Variants in CTDSP2 observed in about 807,000 individuals in gnomAD.
The protein encoded by CTDSP2 is CTD small phosphatase 2, also known as carboxy-terminal domain RNA polymerase II polypeptide A small phosphatase 2.
Under a neutral mutation model 31.6 loss-of-function variants are expected in CTDSP2, and 9 were observed. That is an observed-to-expected ratio of 0.28 (90% CI 0.17 to 0.50). The LOEUF (loss-of-function observed/expected upper bound fraction) is 0.50. Ranked by LOEUF, CTDSP2 falls within the 20% of genes least tolerant of loss-of-function variation. The pLI is 0.98. For synonymous variants in CTDSP2, 134 were observed against 134.5 expected (o/e 1.00, Z 0.03); for missense variants, 267 against 348.5 (o/e 0.77, Z 1.86).
At chr12:57,843,190 G>A (rs1240578121) in intron 1 of CTDSP2, among the ~76,000 whole-genome samples, 1 of 152,172 alleles carries the variant, frequency 6.6e-6, no homozygotes, top group Non-Finnish European at 1.5e-5. Flanking sequence ...ACGTTGGGAG[G>A]TTACAGCGTG....
chr12:57,834,934 C>A (rs1956238175), intron 1 of CTDSP2, among the ~76,000 whole-genome samples: 1 of 152,112 alleles, frequency 6.6e-6, no homozygotes, highest in Non-Finnish European at 1.5e-5. Flanking sequence ...ACCAGCCTGA[C>A]CAACATGGAG....
At chr12:57,844,851 CTTAT>C (rs1407927172) in intron 1 of CTDSP2, among the ~76,000 whole-genome samples, 1 of 151,968 alleles carries the variant, frequency 6.6e-6, no homozygotes, top group Non-Finnish European at 1.5e-5. Context: ...TCAGGGCAGG[CTTAT>C]TTAAAGTCCG....
intron 2 of CTDSP2, 46 bp downstream of exon 2, chr12:57,829,402 T>C (rs763004918): frequency 6.2e-7 from 1 of 1,601,008 alleles, no homozygotes; most frequent in East Asian, 2.2e-5. Flanking sequence ...GATCTCCCAT[T>C]AACAGTCCCT....
At chr12:57,836,350 G>A (rs1490762679) in intron 1 of CTDSP2, among the ~76,000 whole-genome samples, 1 of 152,186 alleles carries the variant, frequency 6.6e-6, no homozygotes, top group Non-Finnish European at 1.5e-5. Context: ...GAAGTACCAG[G>A]TAAGGACACT....
At position 57,820,161 on chromosome 12, in the gene CTDSP2, TG is replaced by T. The variant is rs2140469234; in HGVS notation, c.*3440del. The T allele has an allele frequency of 6.6e-6, 1 of 152,430 alleles. No individual in the cohort carries two copies. Among genetic ancestry groups the T allele is most frequent in the Non-Finnish European group, 1.5e-5 (1 of 67,980 alleles). 9.4% of individuals were successfully genotyped at this position (152,430 alleles called of 1,614,324 possible). A position where few individuals can be genotyped will look rare whatever the true frequency, so the allele number is the denominator to read the frequency against. ...CTTGAAGGGGGAAAGCGGCACGAAA[TG>T]GAACATGATAAGCAAAAAAGCTCAC... On this transcript the variant is annotated 3_prime_UTR_variant, in exon 8 of 8. Transcript: ENST00000398073.
chr12:57,839,075 A>G (rs1240302172), intron 1 of CTDSP2, among the ~76,000 whole-genome samples: 6 of 152,160 alleles, frequency 3.9e-5, no homozygotes, highest in African/African-American at 7.2e-5. Flanking sequence ...CTGGCCAACC[A>G]GTTCCTCCTT....
chr12:57,838,543 TTAGA>T (rs1224760548), intron 1 of CTDSP2, among the ~76,000 whole-genome samples: 1 of 152,218 alleles, frequency 6.6e-6, no homozygotes, highest in Admixed American at 6.5e-5. Context: ...CCTGGAATGC[TTAGA>T]TATAGTTGAA....
At chr12:57,845,050 T>C (rs554743280) in intron 1 of CTDSP2, among the ~76,000 whole-genome samples, 1 of 152,272 alleles carries the variant, frequency 6.6e-6, no homozygotes, top group Admixed American at 6.5e-5. Flanking sequence ...CTGACTAATG[T>C]TGCCAAACGG....
chr12:57,827,647 A>G, intron 2 of CTDSP2, 57 bp from the exon 3 acceptor site: 1 of 1,544,120 alleles, frequency 6.5e-7, no homozygotes. Context: ...ACCCCATCCA[A>G]ACCCACTGCT....
intron 3 of CTDSP2, 32 bp from the exon 4 acceptor site, chr12:57,827,129 T>C (rs562278794): frequency 1.3e-6 from 2 of 1,518,650 alleles, no homozygotes; most frequent in East Asian, 2.2e-5. Flanking sequence ...GAGATCTGCC[T>C]ACCAAGAAAG....
rs779193643 is a variant in CTDSP2 at position 57,827,025 on chromosome 12, C to T, written c.325G>A (p.Asp109Asn). The part of the protein sequence containing the change: ...QGRICVVIDL[D>N]ETLVHSSFKP... ...AAGGAGCTATGCACAAGGGTTTCAT[C>T]GAGGTCAATGACCACACAGATCCTT... Residue 109 changes from aspartate (D) to asparagine (N), a missense_variant, in exon 4 of 8, where the codon GAT (aspartate) becomes AAT (asparagine). By Grantham distance (23) the Asp-to-Asn change is conservative. This residue lies in a region of CTDSP2 where 156 missense variants were observed against 241.3 expected (regional missense o/e 0.65). Coordinates refer to ENST00000398073, the MANE Select transcript of CTDSP2 (RefSeq NM_005730.4). The T allele has an allele frequency of 1.9e-6, 3 of 1,613,668 alleles. 1 individual carries two copies. The highest frequency in any genetic ancestry group is 2.2e-5 in the South Asian group (2 of 91,084).
rs755062307 is a variant in CTDSP2, at chr12:57,829,425, T to A, written c.213+23A>T. On this transcript the variant is annotated intron_variant, in intron 2 of 7. Coordinates refer to ENST00000398073, the MANE Select transcript of CTDSP2 (RefSeq NM_005730.4). ...ATTAACAGTCCCTTCATTGCTGGCA[T>A]CTTACCACCCCAACCCACCTACCTT... The A allele has an allele frequency of 1.5e-5, 24 of 1,608,628 alleles. 1 individual carries two copies. In the Admixed American group the frequency reaches 2.7e-4, roughly 18 times the overall value.
Position 57,821,652 on chromosome 12 carries a change from AGAGTCT to A in CTDSP2, c.*1944_*1949del, listed in dbSNP as rs1178363967. The A allele has an allele frequency of 6.6e-6, 1 of 152,290 alleles. No individual in the cohort carries two copies. Among genetic ancestry groups the A allele is most frequent in the Non-Finnish European group, 1.5e-5 (1 of 68,078 alleles). 9.4% of individuals were successfully genotyped at this position (152,290 alleles called of 1,614,324 possible). ...GGGTCCGAAGCCACAGCTGGCTCTA[AGAGTCT>A]GAGCTCCTGCTTTCCTTCAAGAGAC... On this transcript the variant is annotated 3_prime_UTR_variant, in exon 8 of 8. Transcript: ENST00000398073.
chr12:57,824,608 C>T, intron 5 of CTDSP2: 1 of 602,214 alleles, frequency 1.7e-6, no homozygotes, highest in Non-Finnish European at 3.3e-6. Flanking sequence ...GGCGGACCAT[C>T]AGCTGCCTCC....
intron 1 of CTDSP2, among the ~76,000 whole-genome samples, chr12:57,844,325 G>A (rs1034234255): frequency 6.6e-6 from 1 of 152,252 alleles, no homozygotes; most frequent in African/African-American, 2.4e-5. Flanking sequence ...CAAGCCAGTT[G>A]CTTTGCTTTC....
chr12:57,831,403 A>G (rs1261182455), intron 1 of CTDSP2, among the ~76,000 whole-genome samples: 1 of 152,158 alleles, frequency 6.6e-6, no homozygotes, highest in Non-Finnish European at 1.5e-5. Context: ...CAGTGAGCCG[A>G]GATCATGCGA....
chr12:57,839,691 T>G (rs546676712), intron 1 of CTDSP2, among the ~76,000 whole-genome samples: 2 of 152,022 alleles, frequency 1.3e-5, no homozygotes, highest in African/African-American at 4.8e-5. Context: ...GCCACTGCAC[T>G]CCAGCCTGGG....
chr12:57,842,306 T>C (rs1956287122), intron 1 of CTDSP2: 1 of 152,224 alleles, frequency 6.6e-6, no homozygotes, highest in African/African-American at 2.4e-5. Context: ...TTCTTTAGTA[T>C]TTACCATTTT....
In CTDSP2 at chr12:57,824,044, G is replaced by T; in HGVS notation, c.550C>A (p.Arg184=). Residue 184 remains arginine, a synonymous_variant, in exon 7 of 8, where the codon CGG becomes AGG. Transcript: ENST00000398073. Reference sequence around the variant, plus strand: ...CAAGACTCACGGAATAGGCGGGCCCGGAACACCCCACACCGGTCCAGCAGG... The same window carrying T: ...CAAGACTCACGGAATAGGCGGGCCCTGAACACCCCACACCGGTCCAGCAGG... The part of the protein sequence containing the change: ...TDLLDRCGVF[R]ARLFRESCVF... 1 of 1,614,010 alleles carries T rather than the reference G, an allele frequency of 6.2e-7. No individual in the cohort carries two copies. The highest frequency in any genetic ancestry group is 8.5e-7 in the Non-Finnish European group (1 of 1,179,974).
Sources: allele counts gnomAD v4.1 joint callset (sites outside exome capture counted in the v4.1 genomes callset), GRCh38; gene constraint gnomAD v4.1.1; regional missense constraint gnomAD v4.1.1; transcripts MANE v1.5; gene names NCBI Gene and HGNC (gene_info 2026-07-23, HGNC 2026-07-21).